ARHGAP26: variants seen among roughly 807,000 people sequenced by gnomAD.
ARHGAP26 encodes the protein Rho GTPase activating protein 26.
A neutral mutation model predicts 104.8 loss-of-function variants in ARHGAP26; 38 were observed. The observed-to-expected ratio is 0.36, with a 90% confidence interval of 0.28 to 0.48. The LOEUF (loss-of-function observed/expected upper bound fraction) is 0.48. Among genes scored for constraint, ARHGAP26 ranks in the 20% least tolerant of loss-of-function variants. ARHGAP26 has a pLI of 0.99. For synonymous variants in ARHGAP26, 341 were observed against 340.0 expected, an observed-to-expected ratio of 1.00 and a Z score of -0.03; for missense variants, 704 against 947.9, an observed-to-expected ratio of 0.74 and a Z score of 3.38.
intron 11 of ARHGAP26, chr5:142,947,095 T>TTAAAA (rs1491383996): frequency 1.4e-5 from 1 of 70,684 alleles, no homozygotes; most frequent in African/African-American, 5.0e-5. Context: ...TTTTTAAAAG[T>TTAAAA]AAAAAAAAAA....
rs182459457 is a variant in ARHGAP26 at position 143,139,005 on chromosome 5, C to T, written c.1837+4900C>T. ...AGGAGATGCATTCTTTTAGGGTTAG[C>T]TGTTGTGACCTAGTCCGCGAACTCT... On this transcript the variant is annotated intron_variant, in intron 19 of 22. Coordinates refer to ENST00000645722, the MANE Select transcript of ARHGAP26 (RefSeq NM_001135608.3). 2.6e-5 allele frequency among the ~76,000 whole-genome samples: 4 copies of T among 152,244 alleles called. No individual in the cohort carries two copies. In the South Asian group the frequency reaches 6.2e-4, roughly 24 times the overall value.
rs1257059030 is a variant in ARHGAP26, at chr5:143,228,226, A to C, written c.*5780A>C. The C allele has an allele frequency of 4.5e-6, 1 of 224,308 alleles. No individual in the cohort carries two copies. Among genetic ancestry groups the C allele is most frequent in the African/African-American group, 2.2e-5 (1 of 44,856 alleles). 13.9% of individuals were successfully genotyped at this position (224,308 alleles called of 1,614,324 possible). On this transcript the variant is annotated 3_prime_UTR_variant, in exon 23 of 23. Transcript: ENST00000645722. ...CTGACAATGCACATCTGTTGATTCT[A>C]AAGTATATTTATGTGTGTGTGTATG...
At chr5:143,012,073 A>G (rs1778831900) in intron 11 of ARHGAP26, among the ~76,000 whole-genome samples, 1 of 152,194 alleles carries the variant, frequency 6.6e-6, no homozygotes, top group Non-Finnish European at 1.5e-5. Flanking sequence ...GGCCAGGATC[A>G]AAATCTTTTG....
At chr5:142,991,130 C>T (rs1002330214) in intron 11 of ARHGAP26, among the ~76,000 whole-genome samples, 7 of 152,178 alleles carry the variant, frequency 4.6e-5, no homozygotes, top group South Asian at 2.1e-4. Flanking sequence ...GCTTCCTGGC[C>T]GCTTTGTTTA....
chr5:143,008,304 G>A (rs1250302630), intron 11 of ARHGAP26, among the ~76,000 whole-genome samples: 1 of 152,222 alleles, frequency 6.6e-6, no homozygotes, highest in Non-Finnish European at 1.5e-5. Flanking sequence ...GTTGGACTTT[G>A]AACCTAAGCA....
Position 142,894,341 on chromosome 5 carries a change from TGGAG to T in ARHGAP26, c.591_594del (p.Glu198LeufsTer30). ...CAAGAGAGAAAGATGTTTGAGTTTG[TGGAG>T]CCTGTAAGTAGATATTCAGGGTTTA... On this transcript the variant is annotated frameshift_variant, in exon 6 of 23. Transcript: ENST00000645722. LOFTEE classifies it high-confidence loss of function. The T allele has an allele frequency of 6.2e-7, 1 of 1,613,520 alleles. No homozygotes were observed. The highest frequency in any genetic ancestry group is 1.1e-5 in the South Asian group (1 of 91,030).
intron 11 of ARHGAP26, among the ~76,000 whole-genome samples, chr5:142,993,271 G>A (rs367643138): frequency 1.3e-5 from 2 of 148,150 alleles, no homozygotes; most frequent in Non-Finnish European, 3.0e-5. Flanking sequence ...CCGGGTTCAC[G>A]CCATTCTCCT....
At chr5:143,127,200 GTA>G (rs563119252) in intron 18 of ARHGAP26, among the ~76,000 whole-genome samples, 34 of 152,114 alleles carry the variant, frequency 2.2e-4, no homozygotes, top group Non-Finnish European at 4.1e-4. Flanking sequence ...GCTACTTAGT[GTA>G]TGTGTGTGTG....
chr5:143,060,615 A>C (rs1009431514), intron 17 of ARHGAP26, among the ~76,000 whole-genome samples: 3 of 151,894 alleles, frequency 2.0e-5, no homozygotes, highest in Non-Finnish European at 4.4e-5. Context: ...ATCTACTATG[A>C]TAATTAGATG....
At chr5:142,855,584 G>A (rs1176585048) in intron 1 of ARHGAP26, among the ~76,000 whole-genome samples, 1 of 152,128 alleles carries the variant, frequency 6.6e-6, no homozygotes, top group African/African-American at 2.4e-5. Context: ...CATCTATCCT[G>A]CTGGCTGCCC....
chr5:142,895,197 C>T (rs1396428897), intron 6 of ARHGAP26, among the ~76,000 whole-genome samples: 1 of 152,140 alleles, frequency 6.6e-6, no homozygotes, highest in African/African-American at 2.4e-5. Context: ...AAATAAGATT[C>T]TCTACCTAGA....
intron 4 of ARHGAP26, among the ~76,000 whole-genome samples, chr5:142,883,255 G>A (rs1225024000): frequency 6.6e-6 from 1 of 152,192 alleles, no homozygotes; most frequent in Non-Finnish European, 1.5e-5. Flanking sequence ...CTGGGACCAG[G>A]ATTCTCCTTT....
At chr5:143,133,138 TAA>T (rs1417963125) in intron 18 of ARHGAP26, among the ~76,000 whole-genome samples, 1 of 152,170 alleles carries the variant, frequency 6.6e-6, no homozygotes, top group Non-Finnish European at 1.5e-5. Flanking sequence ...TCTGTAGAAA[TAA>T]AGATGAGAGT....
intron 4 of ARHGAP26, among the ~76,000 whole-genome samples, chr5:142,882,479 A>G (rs1029337091): frequency 5.3e-5 from 8 of 152,248 alleles, no homozygotes; most frequent in Non-Finnish European, 1.0e-4. Context: ...GTGGAGAACA[A>G]GGCAGGCGTG....
intron 11 of ARHGAP26, among the ~76,000 whole-genome samples, chr5:142,965,438 C>T (rs1430798159): frequency 6.6e-6 from 1 of 152,166 alleles, no homozygotes; most frequent in African/African-American, 2.4e-5. Flanking sequence ...GGCGTCTTCC[C>T]AGACGCTGGC....
chr5:143,134,123 A>G lies in ARHGAP26; in HGVS notation c.1837+18A>G. 1 of 1,598,414 alleles carries G rather than the reference A, an allele frequency of 6.3e-7. No individual in the cohort carries two copies. Among genetic ancestry groups the G allele is most frequent in the Non-Finnish European group, 8.5e-7 (1 of 1,171,034 alleles). The stretch of plus-strand genomic sequence containing the variant: ...AGAGAAACGTGAGTCTTTGCTGCAT[A>G]GGGCCAGCGTGGCATTCAGGGACAT... On this transcript the variant is annotated intron_variant, in intron 19 of 22. Transcript: ENST00000645722.
intron 17 of ARHGAP26, among the ~76,000 whole-genome samples, chr5:143,111,216 T>C (rs1160294582): frequency 1.3e-5 from 2 of 152,224 alleles, no homozygotes; most frequent in Non-Finnish European, 2.9e-5. Context: ...AGGTTCTTCT[T>C]TGACCCATGA....
At chr5:143,095,102 A>G (rs138011735) in intron 17 of ARHGAP26, among the ~76,000 whole-genome samples, 1,519 of 151,486 alleles carry the variant, frequency 0.01, 78 homozygotes, top group Admixed American at 0.076. Context: ...CTAAGATAAT[A>G]TATTCTTACA....
At chr5:142,949,672 G>A (rs868729563) in intron 11 of ARHGAP26, among the ~76,000 whole-genome samples, 9 of 152,226 alleles carry the variant, frequency 5.9e-5, no homozygotes, top group African/African-American at 1.9e-4. Flanking sequence ...AGAGGAAATA[G>A]ACACAAAGAG....
Sources: allele counts gnomAD v4.1 joint callset (sites outside exome capture counted in the v4.1 genomes callset), GRCh38; gene constraint gnomAD v4.1.1; transcripts MANE v1.5; gene names NCBI Gene and HGNC (gene_info 2026-07-23, HGNC 2026-07-21).